The following ITK variants were observed in gnomAD, a reference collection of about 807,000 sequenced individuals.
The protein encoded by ITK is IL2 inducible T cell kinase.
Under a neutral mutation model 87.6 loss-of-function variants are expected in ITK, and 45 were observed. That is an observed-to-expected ratio of 0.51 (90% CI 0.40 to 0.66). The LOEUF (loss-of-function observed/expected upper bound fraction) is 0.66. ITK is among the 30% of genes least tolerant of loss of function. The probability of loss-of-function intolerance (pLI) is 0.00; values close to 1 mark genes in which losing one functional copy is unlikely to be tolerated. For synonymous variants in ITK, 303 were observed against 273.6 expected (o/e 1.11, Z -1.06); for missense variants, 605 against 766.3 (o/e 0.79, Z 2.48).
At chr5:157,226,962 G>C (rs1227975110) in intron 6 of ITK, among the ~76,000 whole-genome samples, 4 of 152,040 alleles carry the variant, frequency 2.6e-5, no homozygotes, top group Admixed American at 6.6e-5. Flanking sequence ...TGAGACTACA[G>C]GTGCATGCCA....
At chr5:157,228,440 G>C in intron 7 of ITK, 79 bp downstream of exon 7, 1 of 859,874 alleles carries the variant, frequency 1.2e-6, no homozygotes, top group Non-Finnish European at 2.0e-6. Context: ...TTGGTTGACT[G>C]TAAAAATACC....
chr5:157,228,995 G>C (rs1754592662), intron 7 of ITK, among the ~76,000 whole-genome samples: 1 of 151,866 alleles, frequency 6.6e-6, no homozygotes, highest in Admixed American at 6.6e-5. Flanking sequence ...ATGAAATCTG[G>C]GACAATTTGA....
intron 1 of ITK, among the ~76,000 whole-genome samples, chr5:157,198,826 G>T (rs769201641): frequency 7.9e-5 from 12 of 152,162 alleles, no homozygotes; most frequent in Non-Finnish European, 1.5e-4. Flanking sequence ...GCAGGGACAT[G>T]ATAATGACTC....
intron 1 of ITK, among the ~76,000 whole-genome samples, chr5:157,185,389 C>T (rs1033284214): frequency 3.3e-5 from 5 of 151,944 alleles, no homozygotes; most frequent in African/African-American, 1.2e-4. Context: ...CGGGTGCGCG[C>T]CATCATGCTT....
intron 1 of ITK, among the ~76,000 whole-genome samples, chr5:157,205,368 A>G (rs1459442691): frequency 1.3e-5 from 2 of 152,228 alleles, no homozygotes; most frequent in Admixed American, 6.5e-5. Flanking sequence ...AATAAGGTAG[A>G]ATGGGGTTTG....
chr5:157,232,592 A>C (rs1402274467), intron 8 of ITK, among the ~76,000 whole-genome samples, 198 bp downstream of exon 8: 5 of 121,954 alleles, frequency 4.1e-5, no homozygotes, highest in Non-Finnish European at 6.7e-5. Flanking sequence ...GAAGAAAGAG[A>C]GGAAGGGAGG....
At chr5:157,242,582 C>A (rs2113773804) in intron 11 of ITK, among the ~76,000 whole-genome samples, 1 of 152,098 alleles carries the variant, frequency 6.6e-6, no homozygotes, top group African/African-American at 2.4e-5. Context: ...CTCAAGCGAT[C>A]CTCCCACCTC....
chr5:157,251,457 AT>A (rs1755137653), intron 16 of ITK, among the ~76,000 whole-genome samples: 1 of 152,180 alleles, frequency 6.6e-6, no homozygotes, highest in South Asian at 2.1e-4. Flanking sequence ...ATGTCTTCTC[AT>A]TCTCTTGACA....
At chr5:157,227,822 C>CTTTT (rs34428784) in intron 6 of ITK, among the ~76,000 whole-genome samples, 15 of 84,846 alleles carry the variant, frequency 1.8e-4, no homozygotes, top group South Asian at 4.3e-4. Context: ...TTACCAATTC[C>CTTTT]TTTTTTTTTT....
intron 1 of ITK, among the ~76,000 whole-genome samples, chr5:157,190,664 G>A (rs761612738): frequency 6.6e-6 from 1 of 152,234 alleles, no homozygotes; most frequent in Non-Finnish European, 1.5e-5. Context: ...GAACTGGGAG[G>A]TGGGGTGGTC....
At chr5:157,185,083 G>A (rs1753614650) in intron 1 of ITK, among the ~76,000 whole-genome samples, 1 of 152,080 alleles carries the variant, frequency 6.6e-6, no homozygotes, top group Non-Finnish European at 1.5e-5. Flanking sequence ...ATGGTAGGTG[G>A]GGAGATGGTC....
At chr5:157,224,923 T>C (rs769032372) in intron 6 of ITK, among the ~76,000 whole-genome samples, 2 of 151,854 alleles carry the variant, frequency 1.3e-5, no homozygotes, top group Non-Finnish European at 2.9e-5. Flanking sequence ...TTAATGAAGA[T>C]CTTGTATTCA....
At chr5:157,210,858 G>A (rs747021462) in intron 2 of ITK, among the ~76,000 whole-genome samples, 3 of 151,478 alleles carry the variant, frequency 2.0e-5, no homozygotes, top group African/African-American at 7.3e-5. Context: ...CAGGAACTCT[G>A]TACTATTTCT....
intron 4 of ITK, among the ~76,000 whole-genome samples, chr5:157,216,810 G>A (rs1341969172): frequency 2.0e-5 from 3 of 152,094 alleles, no homozygotes; most frequent in African/African-American, 7.2e-5. Context: ...TATTACAGGG[G>A]TTTTCCTTCT....
chr5:157,236,696 G>T (rs13174611), intron 8 of ITK, among the ~76,000 whole-genome samples: 3,590 of 152,226 alleles, frequency 0.024, 52 homozygotes, highest in African/African-American at 0.029. Context: ...GTGTTAGATA[G>T]GAAGTACTTA....
At chr5:157,244,678 C>A (rs1754986257) in intron 13 of ITK, among the ~76,000 whole-genome samples, 200 bp downstream of exon 13, 1 of 152,188 alleles carries the variant, frequency 6.6e-6, no homozygotes, top group Non-Finnish European at 1.5e-5. Flanking sequence ...GATCCCAGCC[C>A]AAACTCTTTC....
chr5:157,184,673 TGTAAA>T (rs1483242526), intron 1 of ITK, among the ~76,000 whole-genome samples: 11 of 152,180 alleles, frequency 7.2e-5, no homozygotes, highest in Admixed American at 7.2e-4. Flanking sequence ...GTGTCCTATT[TGTAAA>T]GTAAGGACCC....
At position 157,252,916 on chromosome 5, in the gene ITK, G is replaced by T; in HGVS notation, c.*238G>T. 1.8e-6 allele frequency: 1 copy of T among 567,546 alleles called. No homozygotes were observed. The highest frequency in any genetic ancestry group is 3.2e-6 in the Non-Finnish European group (1 of 313,954). 35.2% of individuals were successfully genotyped at this position (567,546 alleles called of 1,614,324 possible). A position where few individuals can be genotyped will look rare whatever the true frequency, so the allele number is the denominator to read the frequency against. ...GAGCCAGAACAGGAGTGATGTCTCT[G>T]CCCTTCCTCTAGCCTCTTGTCACAT... On this transcript the variant is annotated 3_prime_UTR_variant, in exon 17 of 17. Coordinates refer to ENST00000422843, the MANE Select transcript of ITK (RefSeq NM_005546.4).
chr5:157,206,152 A>G (rs1754075760), intron 1 of ITK, among the ~76,000 whole-genome samples: 2 of 151,824 alleles, frequency 1.3e-5, no homozygotes, highest in African/African-American at 4.8e-5. Context: ...ACAGAGTTTC[A>G]CCACGTTTCC....
Sources: allele counts gnomAD v4.1 joint callset (sites outside exome capture counted in the v4.1 genomes callset), GRCh38; gene constraint gnomAD v4.1.1; transcripts MANE v1.5; gene names NCBI Gene and HGNC (gene_info 2026-07-23, HGNC 2026-07-21).